The following VAV2 variants were observed in gnomAD, a reference collection of about 807,000 sequenced individuals.
VAV2 encodes guanine nucleotide exchange factor VAV2.
VAV2 carries 67 observed loss-of-function variants against 132.5 expected under a neutral mutation model. The observed-to-expected ratio is 0.51, with a 90% CI of 0.42 to 0.62. VAV2 has a LOEUF of 0.62. Among genes scored for constraint, VAV2 ranks in the 20% least tolerant of loss-of-function variants. The probability of loss-of-function intolerance (pLI) is 0.00; values close to 1 mark genes in which losing one functional copy is unlikely to be tolerated. For synonymous variants in VAV2, 492 were observed against 443.5 expected, an observed-to-expected ratio of 1.11 and a Z score of -1.37; for missense variants, 938 against 1,153.6, an observed-to-expected ratio of 0.81 and a Z score of 2.71.
intron 2 of VAV2, among the ~76,000 whole-genome samples, chr9:133,934,041 T>G (rs1840811734): frequency 6.7e-6 from 1 of 149,884 alleles, no homozygotes. Context: ...GATGGGTAGA[T>G]GGATGGACAG....
chr9:133,920,250 C>A (rs1840249092), intron 2 of VAV2, among the ~76,000 whole-genome samples: 1 of 152,256 alleles, frequency 6.6e-6, no homozygotes, highest in South Asian at 2.1e-4. Flanking sequence ...AGTCCGGGCT[C>A]TGCCTCCAGT....
rs1306269195 is a variant in VAV2 at position 133,884,639 on chromosome 9, T to A, written c.322-23207A>T. ...GCACAGCTGCCTTTTTCTATATGCA[T>A]AAGATGCTTCAATAAGAAGCTTGCT... On this transcript the variant is annotated intron_variant, in intron 2 of 29. Coordinates refer to ENST00000371850, the MANE Select transcript of VAV2 (RefSeq NM_001134398.2). The surrounding 1 kb of genome is among the most constrained non-coding windows in gnomAD (Gnocchi z 5.3). 2.0e-5 allele frequency among the ~76,000 whole-genome samples: 3 copies of A among 152,018 alleles called. No homozygotes were observed. Among genetic ancestry groups the A allele is most frequent in the Admixed American group, 1.3e-4 (2 of 15,272 alleles).
Position 133,991,963 on chromosome 9 carries a change from CG to C in VAV2, c.204+111del. ...GCCCGCCCGCGTCCCGGAGCCCGGC[CG>C]CCCCAGCCAGGGCGCCTGGGCCGCC... On this transcript the variant is annotated intron_variant, in intron 1 of 29. Coordinates refer to ENST00000371850, the MANE Select transcript of VAV2 (RefSeq NM_001134398.2). The surrounding 1 kb of genome is among the most constrained non-coding windows in gnomAD (Gnocchi z 4.8). 5 of 930,542 alleles carry C rather than the reference CG, an allele frequency of 5.4e-6. No homozygotes were observed. Among genetic ancestry groups the C allele is most frequent in the Non-Finnish European group, 6.7e-6 (5 of 740,776 alleles). The allele number at this position is 930,542 out of a possible 1,614,324, so 57.6% of individuals were successfully genotyped here.
chr9:133,785,252 A>T (rs1056453204), intron 17 of VAV2, among the ~76,000 whole-genome samples: 6 of 152,238 alleles, frequency 3.9e-5, no homozygotes, highest in African/African-American at 1.4e-4. Flanking sequence ...GCTCAAGCAC[A>T]GACAACCCTG....
chr9:133,784,445 C>T (rs371739459), intron 17 of VAV2, 27 bp from the exon 18 acceptor site: 1 of 1,611,728 alleles, frequency 6.2e-7, no homozygotes, highest in Non-Finnish European at 8.5e-7. Flanking sequence ...AGAGCAGATG[C>T]TACACCCACT....
chr9:133,902,082 C>A (rs939478009), intron 2 of VAV2, among the ~76,000 whole-genome samples: 1 of 150,866 alleles, frequency 6.6e-6, no homozygotes, highest in Non-Finnish European at 1.5e-5. Flanking sequence ...AAAAGTGACA[C>A]AGTTTCGTCA....
intron 2 of VAV2, among the ~76,000 whole-genome samples, chr9:133,904,583 G>A (rs1443535790): frequency 1.3e-5 from 2 of 152,256 alleles, no homozygotes; most frequent in Non-Finnish European, 2.9e-5. Context: ...AGGCACGTGG[G>A]CACAGGCATG....
At chr9:133,903,408 C>T (rs775709030) in intron 2 of VAV2, among the ~76,000 whole-genome samples, 3 of 152,188 alleles carry the variant, frequency 2.0e-5, no homozygotes, top group East Asian at 1.9e-4. Context: ...TCTGTGAGGG[C>T]GTGCCAGGTC....
rs1448841092 is a variant in VAV2, at chr9:133,912,080, C to G, written c.321+27023G>C. Reference sequence around the variant, plus strand: ...TCCATTAGCTATCTTTCCTGATCTCCTCCCTGCCCTCCAAAGATGGCTGAT... The same window carrying G: ...TCCATTAGCTATCTTTCCTGATCTCGTCCCTGCCCTCCAAAGATGGCTGAT... On this transcript the variant is annotated intron_variant, in intron 2 of 29. Coordinates refer to ENST00000371850, the MANE Select transcript of VAV2 (RefSeq NM_001134398.2). This position sits in a 1 kb window ranked among gnomAD's most constrained non-coding sequence, Gnocchi z 4.3. Among the ~76,000 whole-genome samples the G allele has an allele frequency of 6.6e-6, 1 of 152,174 alleles. No homozygotes were observed. Among genetic ancestry groups the G allele is most frequent in the African/African-American group, 2.4e-5 (1 of 41,440 alleles).
rs973087770 is a variant in VAV2, at chr9:133,834,911, C to T, written c.381-571G>A. 5.3e-5 allele frequency among the ~76,000 whole-genome samples: 8 copies of T among 152,274 alleles called. No homozygotes were observed. The highest frequency in any genetic ancestry group is 7.4e-5 in the Non-Finnish European group (5 of 68,020). On this transcript the variant is annotated intron_variant, in intron 3 of 29. Coordinates refer to ENST00000371850, the MANE Select transcript of VAV2 (RefSeq NM_001134398.2). The surrounding 1 kb of genome is among the most constrained non-coding windows in gnomAD (Gnocchi z 5.9). Reference sequence around the variant, plus strand: ...GAAAATGAAAAGCCCTCGGACCTTCCGCCTGGATCCACAGCCTCCCCTCCT... The same window carrying T: ...GAAAATGAAAAGCCCTCGGACCTTCTGCCTGGATCCACAGCCTCCCCTCCT...
In VAV2 at chr9:133,774,998, G is replaced by A. The variant is rs758279112; in HGVS notation, c.2072C>T (p.Ala691Val). ...QQTDNLLKSH[A>V]SGTYLIRERP... ...CTCCCTGATCAGGTAGGTCCCGCTG[G>A]CGTGGGACTTGAGCAGGTTGTCCGT... The change falls in exon 25 of 30, where the codon GCC becomes GTC. Residue 691 changes from alanine to valine, a missense_variant. Coordinates refer to ENST00000371850, the MANE Select transcript of VAV2 (RefSeq NM_001134398.2). The A allele has an allele frequency of 5.0e-6, 8 of 1,613,586 alleles. No individual in the cohort carries two copies. Among genetic ancestry groups the A allele is most frequent in the East Asian group, 2.2e-5 (1 of 44,876 alleles).
rs1840873984 is a variant in VAV2 at position 133,935,494 on chromosome 9, A to C, written c.321+3609T>G. 6.6e-6 allele frequency among the ~76,000 whole-genome samples: 1 copy of C among 152,082 alleles called. No homozygotes were observed. Among genetic ancestry groups the C allele is most frequent in the Non-Finnish European group, 1.5e-5 (1 of 68,002 alleles). ...TTCCTCCCCTCTGTCCACGGCAGGG[A>C]CTGCAACAAATACGCCCCGGCCCAG... is the stretch of plus-strand genomic sequence containing the variant. On this transcript the variant is annotated intron_variant, in intron 2 of 29. Transcript: ENST00000371850. This position sits in a 1 kb window ranked among gnomAD's most constrained non-coding sequence, Gnocchi z 5.2.
intron 1 of VAV2, among the ~76,000 whole-genome samples, chr9:133,941,324 T>C (rs1841147352): frequency 6.6e-6 from 1 of 151,724 alleles, no homozygotes; most frequent in Non-Finnish European, 1.5e-5. Context: ...AAGAGAATCA[T>C]TTGAACTCAG....
At position 133,802,535 on chromosome 9, in the gene VAV2, G is replaced by A. The variant is rs990846689; in HGVS notation, c.836+3546C>T. Among the ~76,000 whole-genome samples, 23 of 152,200 alleles carry A rather than the reference G, an allele frequency of 1.5e-4. No homozygotes were observed. The highest frequency in any genetic ancestry group is 8.5e-4 in the Admixed American group (13 of 15,298). On this transcript the variant is annotated intron_variant, in intron 9 of 29. Transcript: ENST00000371850. The surrounding 1 kb of genome is among the most constrained non-coding windows in gnomAD (Gnocchi z 5.8). The stretch of plus-strand genomic sequence containing the variant: ...GTCACCTTGCAAGGCACGGCCCGCC[G>A]TGTCCAGCATCCTGCCCGACCTCCC...
rs925128446 is a variant in VAV2, at chr9:133,926,194, G to C, written c.321+12909C>G. Reference sequence around the variant, plus strand: ...TGGGGAAACTGAGGCCCAGGGAGTAGAGCAGTGACCAGTCCACGTACAATG... The same window carrying C: ...TGGGGAAACTGAGGCCCAGGGAGTACAGCAGTGACCAGTCCACGTACAATG... On this transcript the variant is annotated intron_variant, in intron 2 of 29. Transcript: ENST00000371850. The surrounding 1 kb of genome is among the most constrained non-coding windows in gnomAD (Gnocchi z 4.3). The C allele has an allele frequency of 6.6e-6, 1 of 152,396 alleles. No homozygotes were observed. Among genetic ancestry groups the C allele is most frequent in the African/African-American group, 2.4e-5 (1 of 41,412 alleles). 9.4% of individuals were successfully genotyped at this position (152,396 alleles called of 1,614,324 possible). A position where few individuals can be genotyped will look rare whatever the true frequency, so the allele number is the denominator to read the frequency against.
chr9:133,893,644 G>A (rs541360990), intron 2 of VAV2, among the ~76,000 whole-genome samples: 5 of 152,352 alleles, frequency 3.3e-5, no homozygotes, highest in South Asian at 4.1e-4. Context: ...GAACAGGGGC[G>A]AGCACCCAGC....
At chr9:133,842,537 G>T (rs1190836273) in intron 3 of VAV2, among the ~76,000 whole-genome samples, 1 of 152,184 alleles carries the variant, frequency 6.6e-6, no homozygotes. Flanking sequence ...TTTTGATGCT[G>T]TAACTGGGAC....
rs764071595 is a variant in VAV2 at position 133,812,232 on chromosome 9, C to T, written c.450-16G>A. 8.1e-6 allele frequency: 13 copies of T among 1,612,232 alleles called. No individual in the cohort carries two copies. The highest frequency in any genetic ancestry group is 3.3e-5 in the Admixed American group (2 of 59,988). On this transcript the variant is annotated splice_polypyrimidine_tract_variant and intron_variant, in intron 4 of 29. Transcript: ENST00000371850. ...GTCATGCTCGCTGCACAGGAGGAGG[C>T]GGGTTAGAGGGGAGGGGAGGCTCCC...
intron 5 of VAV2, among the ~76,000 whole-genome samples, chr9:133,811,669 G>C (rs1010872327): frequency 4.6e-5 from 7 of 152,210 alleles, no homozygotes; most frequent in Non-Finnish European, 8.8e-5. Flanking sequence ...CTGGCTAATT[G>C]GGCCAATATT....
Sources: gnomAD v4.1 joint callset for allele counts (sites outside exome capture counted in the v4.1 genomes callset) on GRCh38, gnomAD v4.1.1 for gene constraint, Gnocchi (gnomAD v3.1) non-coding constraint, MANE v1.5 for transcripts, NCBI Gene and HGNC (gene_info 2026-07-23, HGNC 2026-07-21) for gene names.